HSPA14: variants seen among roughly 807,000 people sequenced by gnomAD.
HSPA14 encodes heat shock 70 kDa protein 14.
Under a neutral mutation model 65.5 loss-of-function variants are expected in HSPA14, and 37 were observed. That is an observed-to-expected ratio of 0.56 (90% CI 0.43 to 0.74). HSPA14 has a LOEUF of 0.74. Among genes scored for constraint, HSPA14 ranks in the 30% least tolerant of loss-of-function variants. The pLI, the probability that HSPA14 is intolerant of heterozygous loss-of-function variation, is 0.00. For missense variants in HSPA14, 564 were observed against 607.6 expected (o/e 0.93, Z 0.75); for synonymous variants, 203 against 214.2 (o/e 0.95, Z 0.46).
Position 14,852,373 on chromosome 10 carries a change from T to C in HSPA14, c.576T>C (p.Asn192=). The C allele has an allele frequency of 6.2e-7, 1 of 1,612,044 alleles. No individual in the cohort carries two copies. The highest frequency in any genetic ancestry group is 8.5e-7 in the Non-Finnish European group (1 of 1,178,972). Residue 192 remains asparagine (N), a synonymous_variant, in exon 8 of 14, where the codon AAT becomes AAC. Coordinates refer to ENST00000378372, the MANE Select transcript of HSPA14 (RefSeq NM_016299.4). The part of the protein sequence containing the change: ...IGQDSPTGKS[N]ILVFKLGGTS... The stretch of plus-strand genomic sequence containing the variant: ...CTTACTTTATCTTCTCTTGAAGCAA[T>C]ATTTTGGTGTTTAAGCTTGGAGGAA...
At position 14,842,313 on chromosome 10, in the gene HSPA14, T is replaced by G; in HGVS notation, c.221+2156T>G. 1 of 1,535,976 alleles carries G rather than the reference T, an allele frequency of 6.5e-7. No individual in the cohort carries two copies. On this transcript the variant is annotated intron_variant, in intron 3 of 13. Coordinates refer to ENST00000378372, the MANE Select transcript of HSPA14 (RefSeq NM_016299.4). The surrounding 1 kb of genome is among the most constrained non-coding windows in gnomAD (Gnocchi z 5.2). ...GCCAGTGCCAATAGCAGTGCGGGCA[T>G]CCGGTGGTCCAGACAGGAGACACGA...
At chr10:14,841,994 G>T in intron 3 of HSPA14, 1 of 544,384 alleles carries the variant, frequency 1.8e-6, no homozygotes, top group Non-Finnish European at 3.4e-6. Flanking sequence ...TGTCTACCCT[G>T]GGTGAACTCC....
chr10:14,866,727 A>C (rs1036479783), intron 10 of HSPA14, among the ~76,000 whole-genome samples: 2 of 152,138 alleles, frequency 1.3e-5, no homozygotes, highest in African/African-American at 4.8e-5. Context: ...TTTAAAAAAA[A>C]AACTTGGACA....
chr10:14,839,821 C>A, intron 1 of HSPA14, 84 bp from the exon 2 acceptor site: 2 of 937,376 alleles, frequency 2.1e-6, no homozygotes, highest in Non-Finnish European at 3.2e-6. Flanking sequence ...TCTTTCCACA[C>A]AGATGGCAAA....
intron 10 of HSPA14, among the ~76,000 whole-genome samples, chr10:14,860,296 C>T (rs1024146823): frequency 2.0e-5 from 3 of 152,168 alleles, no homozygotes; most frequent in Non-Finnish European, 2.9e-5. Flanking sequence ...ACCTATTCTA[C>T]GCTAGGCAGA....
Position 14,846,465 on chromosome 10 carries a change from C to T in HSPA14, c.222-2144C>T, listed in dbSNP as rs1834054650. The T allele has an allele frequency of 4.1e-6, 4 of 985,094 alleles. No homozygotes were observed. In the South Asian group the frequency reaches 1.4e-4, roughly 35 times the overall value. The allele number at this position is 985,094 out of a possible 1,614,324, so 61.0% of individuals were successfully genotyped here. A position where few individuals can be genotyped will look rare whatever the true frequency, so the allele number is the denominator to read the frequency against. On this transcript the variant is annotated intron_variant, in intron 3 of 13. Transcript: ENST00000378372. ...TCAAGGGAAAGGTCTTGAATAAGTA[C>T]ACAGAAAAATAGGCTAAAAATATTA...
intron 3 of HSPA14, chr10:14,846,807 G>A (rs1014221200): frequency 6.3e-5 from 62 of 985,244 alleles, no homozygotes; most frequent in Admixed American, 2.5e-4. Flanking sequence ...GCTGTTGACC[G>A]TAAGGGATAT....
At position 14,842,292 on chromosome 10, in the gene HSPA14, G is replaced by A; in HGVS notation, c.221+2135G>A. 1.3e-6 allele frequency: 2 copies of A among 1,535,468 alleles called. No individual in the cohort carries two copies. The highest frequency in any genetic ancestry group is 2.4e-5 in the South Asian group (2 of 84,030). Reference sequence around the variant, plus strand: ...CCTCCTTTCCAACCCACAATGGCCAGTGCCAATAGCAGTGCGGGCATCCGG... The same window carrying A: ...CCTCCTTTCCAACCCACAATGGCCAATGCCAATAGCAGTGCGGGCATCCGG... On this transcript the variant is annotated intron_variant, in intron 3 of 13. Transcript: ENST00000378372. This position sits in a 1 kb window ranked among gnomAD's most constrained non-coding sequence, Gnocchi z 5.2.
rs1032230283 is a variant in HSPA14, at chr10:14,842,883, G to A, written c.221+2726G>A. ...GCATGTGAAGGAGTTGGGTCCCAGA[G>A]TCTTGTGGCTCTAAACATTTAGCTG... On this transcript the variant is annotated intron_variant, in intron 3 of 13. Transcript: ENST00000378372. The surrounding 1 kb of genome is among the most constrained non-coding windows in gnomAD (Gnocchi z 5.2). 1.5e-6 allele frequency: 2 copies of A among 1,378,366 alleles called. No individual in the cohort carries two copies. The highest frequency in any genetic ancestry group is 2.9e-5 in the African/African-American group (2 of 69,036). 85.4% of individuals were successfully genotyped at this position (1,378,366 alleles called of 1,614,324 possible). A position where few individuals can be genotyped will look rare whatever the true frequency, so the allele number is the denominator to read the frequency against.
chr10:14,869,518 C>T (rs1240604987), intron 12 of HSPA14, among the ~76,000 whole-genome samples: 2 of 152,144 alleles, frequency 1.3e-5, no homozygotes, highest in African/African-American at 2.4e-5. Context: ...TGGTCTCAAA[C>T]TCCTGACCTC....
chr10:14,861,849 TA>T (rs746195378), intron 10 of HSPA14, among the ~76,000 whole-genome samples: 14 of 151,774 alleles, frequency 9.2e-5, no homozygotes, highest in Non-Finnish European at 1.9e-4. Context: ...CCGTCTCTAC[TA>T]AAACTACACA....
At chr10:14,857,686 A>T (rs1043363166) in intron 10 of HSPA14, among the ~76,000 whole-genome samples, 3 of 151,984 alleles carry the variant, frequency 2.0e-5, no homozygotes, top group Non-Finnish European at 4.4e-5. Flanking sequence ...TTACTTCACT[A>T]TTTGGTTTTG....
intron 2 of HSPA14, 28 bp from the exon 3 acceptor site, chr10:14,840,047 T>C (rs754686378): frequency 3.4e-6 from 4 of 1,177,624 alleles, no homozygotes; most frequent in Non-Finnish European, 3.4e-6. Context: ...TTGTAATATA[T>C]ATATATATAT....
chr10:14,861,061 A>G (rs1167961618), intron 10 of HSPA14, among the ~76,000 whole-genome samples: 1 of 152,184 alleles, frequency 6.6e-6, no homozygotes, highest in East Asian at 1.9e-4. Flanking sequence ...CTCCTTGAGG[A>G]TTGACCCTTG....
intron 3 of HSPA14, chr10:14,843,574 G>A: frequency 4.5e-6 from 7 of 1,550,648 alleles, no homozygotes; most frequent in South Asian, 1.2e-5. Flanking sequence ...TGTTTCTGGT[G>A]GGGATAGGCC....
chr10:14,867,296 G>T lies in HSPA14; in HGVS notation c.1206+1G>T. The stretch of plus-strand genomic sequence containing the variant: ...TTCAGCCAGAGATATTTTAGTTAAG[G>T]TATGTTTAGCTTTTGTATACTAGTT... On this transcript the variant is annotated splice_donor_variant, in intron 11 of 13. Coordinates refer to ENST00000378372, the MANE Select transcript of HSPA14 (RefSeq NM_016299.4). LOFTEE classifies it high-confidence loss of function. 6.2e-7 allele frequency: 1 copy of T among 1,605,920 alleles called. No individual in the cohort carries two copies. Among genetic ancestry groups the T allele is most frequent in the Non-Finnish European group, 8.5e-7 (1 of 1,172,964 alleles).
intron 3 of HSPA14, chr10:14,844,238 T>C (rs1344374489): frequency 1.8e-6 from 2 of 1,093,956 alleles, no homozygotes; most frequent in East Asian, 6.8e-5. Context: ...CCTGCCTACC[T>C]CACAGGGTTG....
chr10:14,871,477 G>A (rs1352216470), intron 13 of HSPA14, 51 bp from the exon 14 acceptor site: 1 of 1,080,910 alleles, frequency 9.3e-7, no homozygotes, highest in Admixed American at 2.1e-5. Context: ...CAGACTTTAT[G>A]TTTTTATAAA....
chr10:14,854,210 A>G lies in HSPA14; in HGVS notation c.820A>G (p.Thr274Ala), dbSNP rs1366766737. The change falls in exon 9 of 14, where the codon ACC (threonine) becomes GCC (alanine). Residue 274 changes from threonine to alanine, a missense_variant. Physicochemically the swap from Thr to Ala is moderately conservative, Grantham distance 58. Coordinates refer to ENST00000378372, the MANE Select transcript of HSPA14 (RefSeq NM_016299.4). ...TGAAGTAGCGAAACATTCTTTGTCA[A>G]CCTTGGGAAGTGCCAACTGTTTTCT... The part of the protein sequence containing the change: ...SAEVAKHSLS[T>A]LGSANCFLDS... 6.2e-7 allele frequency: 1 copy of G among 1,613,736 alleles called. No homozygotes were observed. The highest frequency in any genetic ancestry group is 1.3e-5 in the African/African-American group (1 of 74,908).
Sources: gnomAD v4.1 joint callset for allele counts (sites outside exome capture counted in the v4.1 genomes callset) on GRCh38, gnomAD v4.1.1 for gene constraint, Gnocchi (gnomAD v3.1) non-coding constraint, MANE v1.5 for transcripts, NCBI Gene and HGNC (gene_info 2026-07-23, HGNC 2026-07-21) for gene names.